Variants in DAGLA observed in about 807,000 individuals in gnomAD.
The protein encoded by DAGLA is diacylglycerol lipase alpha, also known as diacylglycerol lipase-alpha.
Under a neutral mutation model 102.6 loss-of-function variants are expected in DAGLA, and 22 were observed. That is an observed-to-expected ratio of 0.21 (90% CI 0.15 to 0.31). DAGLA has a LOEUF of 0.31. DAGLA is among the 10% of genes least tolerant of loss of function. DAGLA has a pLI of 1.00. For synonymous variants in DAGLA, 578 were observed against 628.9 expected (o/e 0.92, Z 1.21); for missense variants, 927 against 1,446.6 (o/e 0.64, Z 5.83).
chr11:61,741,309 C>G lies in DAGLA; in HGVS notation c.2131C>G (p.Leu711Val), dbSNP rs1407271473. The G allele has an allele frequency of 6.2e-7, 1 of 1,611,368 alleles. No individual in the cohort carries two copies. The highest frequency in any genetic ancestry group is 1.7e-5 in the Admixed American group (1 of 60,020). ...TGPPMPTGLA[L>V]ELPTADHRNS... ...GCCGCCCATGCCCACTGGCCTTGCC[C>G]TGGAGCTGCCGACTGCAGACCACCG... The change falls in exon 19 of 20, where the codon CTG becomes GTG. Residue 711 changes from leucine to valine, a missense_variant. Leu to Val is a conservative substitution (Grantham distance 32). Around this residue, in one of 4 missense-constraint regions of DAGLA, gnomAD observed 434 missense variants for 503.3 expected, o/e 0.86. Transcript: ENST00000257215.
chr11:61,703,349 G>A (rs2065123555), intron 1 of DAGLA, among the ~76,000 whole-genome samples: 1 of 152,046 alleles, frequency 6.6e-6, no homozygotes, highest in Non-Finnish European at 1.5e-5. Flanking sequence ...GGGCGCTTGG[G>A]GTACCTAAGA....
chr11:61,693,638 T>C (rs934412841), intron 1 of DAGLA, among the ~76,000 whole-genome samples: 1 of 152,186 alleles, frequency 6.6e-6, no homozygotes, highest in South Asian at 2.1e-4. Context: ...TGAGCCACCA[T>C]GCCCGGCCAA....
chr11:61,708,512 C>T (rs1333133927), intron 1 of DAGLA, among the ~76,000 whole-genome samples: 1 of 152,100 alleles, frequency 6.6e-6, no homozygotes, highest in African/African-American at 2.4e-5. Context: ...TCTCGAGTAG[C>T]TGGGACTACA....
intron 17 of DAGLA, among the ~76,000 whole-genome samples, chr11:61,739,947 A>G (rs990400047): frequency 1.3e-5 from 2 of 152,082 alleles, no homozygotes; most frequent in African/African-American, 2.4e-5. Flanking sequence ...CTGGTGGTCC[A>G]TTTAAAAGTA....
At chr11:61,718,036 T>C (rs925977825) in intron 1 of DAGLA, among the ~76,000 whole-genome samples, 2 of 152,138 alleles carry the variant, frequency 1.3e-5, no homozygotes, top group African/African-American at 4.8e-5. Flanking sequence ...GTGTTAGCTA[T>C]CCTGGGTTCC....
At chr11:61,721,246 T>C (rs1424595630) in intron 3 of DAGLA, among the ~76,000 whole-genome samples, 1 of 151,758 alleles carries the variant, frequency 6.6e-6, no homozygotes, top group Non-Finnish European at 1.5e-5. Context: ...ATACAAAAAT[T>C]AGCCAGGTGT....
intron 9 of DAGLA, 126 bp downstream of exon 9, chr11:61,731,567 C>A: frequency 7.9e-7 from 1 of 1,271,064 alleles, no homozygotes; most frequent in Non-Finnish European, 1.1e-6. Context: ...TTCTCTGGGC[C>A]TCAACCTTTC....
intron 1 of DAGLA, among the ~76,000 whole-genome samples, chr11:61,713,022 A>T (rs1388544496): frequency 6.6e-6 from 1 of 152,138 alleles, no homozygotes; most frequent in African/African-American, 2.4e-5. Context: ...TGGCCTGATG[A>T]GGCTGGAGGT....
At chr11:61,700,060 G>A (rs1021247169) in intron 1 of DAGLA, among the ~76,000 whole-genome samples, 13 of 152,338 alleles carry the variant, frequency 8.5e-5, no homozygotes, top group Middle Eastern at 3.4e-3. Context: ...CCTCGCCCGC[G>A]CAGAGCATGT....
At chr11:61,718,749 G>A (rs1232602198) in intron 1 of DAGLA, among the ~76,000 whole-genome samples, 2 of 152,154 alleles carry the variant, frequency 1.3e-5, no homozygotes, top group African/African-American at 2.4e-5. Context: ...GCACGACCCC[G>A]GCAGGCTAGC....
intron 7 of DAGLA, among the ~76,000 whole-genome samples, chr11:61,728,687 C>T (rs932998684): frequency 6.6e-6 from 1 of 152,226 alleles, no homozygotes; most frequent in Non-Finnish European, 1.5e-5. Context: ...TACCTTTCGC[C>T]TGCTGTGGGC....
At position 61,734,107 on chromosome 11, in the gene DAGLA, A is replaced by AG. The variant is rs765885043; in HGVS notation, c.975-738dup. The stretch of plus-strand genomic sequence containing the variant: ...CACTCTGTTGCTGAGCTGAGAGCGT[A>AG]GGGGCAAGTGCAAGGAGGCCAGTCG... On this transcript the variant is annotated intron_variant, in intron 9 of 19. Transcript: ENST00000257215. This position sits in a 1 kb window ranked among gnomAD's most constrained non-coding sequence, Gnocchi z 4.2. Among the ~76,000 whole-genome samples, 19 of 152,110 alleles carry AG rather than the reference A, an allele frequency of 1.2e-4. No individual in the cohort carries two copies. Among genetic ancestry groups the AG allele is most frequent in the Non-Finnish European group, 1.9e-4 (13 of 68,012 alleles).
rs1388224617 is a variant in DAGLA, at chr11:61,684,291, G to C, written c.-45+3787G>C. Among the ~76,000 whole-genome samples the C allele has an allele frequency of 6.6e-6, 1 of 152,256 alleles. No homozygotes were observed. Among genetic ancestry groups the C allele is most frequent in the Non-Finnish European group, 1.5e-5 (1 of 68,048 alleles). On this transcript the variant is annotated intron_variant, in intron 1 of 19. Coordinates refer to ENST00000257215, the MANE Select transcript of DAGLA (RefSeq NM_006133.3). This position sits in a 1 kb window ranked among gnomAD's most constrained non-coding sequence, Gnocchi z 4.5. ...AAGTAGCGCTGGGGGAAATATCAAT[G>C]AGCATGTGGTCAGAGGAAGATAAAT...
At chr11:61,720,911 G>T in intron 3 of DAGLA, 21 bp downstream of exon 3, 1 of 1,603,750 alleles carries the variant, frequency 6.2e-7, no homozygotes, top group Non-Finnish European at 8.5e-7. Context: ...CCCACCCTGG[G>T]GTGCTGCCCC....
intron 1 of DAGLA, among the ~76,000 whole-genome samples, chr11:61,710,318 G>T (rs2065184280): frequency 6.6e-6 from 1 of 151,832 alleles, no homozygotes; most frequent in Non-Finnish European, 1.5e-5. Context: ...GGTGGGGCCA[G>T]TGGAAAGCTG....
Position 61,746,717 on chromosome 11 carries a change from C to T in DAGLA, c.*2228C>T, listed in dbSNP as rs1229515728. ...GCCCCGTTCGGCTCAGACCGACCCCCACTCCATCCCCAGACCTGCAGCACA... is the reference window on the plus strand; with the variant it reads ...GCCCCGTTCGGCTCAGACCGACCCCTACTCCATCCCCAGACCTGCAGCACA... On this transcript the variant is annotated 3_prime_UTR_variant, in exon 20 of 20. Transcript: ENST00000257215. 3 of 152,632 alleles carry T rather than the reference C, an allele frequency of 2.0e-5. No homozygotes were observed. The highest frequency in any genetic ancestry group is 4.4e-5 in the Non-Finnish European group (3 of 68,094). 9.5% of individuals were successfully genotyped at this position (152,632 alleles called of 1,614,324 possible).
At position 61,744,011 on chromosome 11, in the gene DAGLA, G is replaced by A. The variant is rs751888087; in HGVS notation, c.2651G>A (p.Gly884Asp). ...AATGACGAGGAGGAAGAGGTTGGCG[G>A]TGGGGGTGGCGGGCCGGCCTCCCGC... ...AANDEEEEVG[G>D]GGGGPASRGE... The change falls in exon 20 of 20, where the codon GGT (glycine) becomes GAT (aspartate). Residue 884 changes from glycine to aspartate, a missense_variant. Gly to Asp is a moderately conservative substitution (Grantham distance 94, BLOSUM62 -1). Around this residue, in one of 4 missense-constraint regions of DAGLA, gnomAD observed 434 missense variants for 503.3 expected, o/e 0.86. Coordinates refer to ENST00000257215, the MANE Select transcript of DAGLA (RefSeq NM_006133.3). The A allele has an allele frequency of 1.2e-6, 2 of 1,612,066 alleles. No homozygotes were observed. The highest frequency in any genetic ancestry group is 2.2e-5 in the South Asian group (2 of 91,038).
intron 1 of DAGLA, among the ~76,000 whole-genome samples, chr11:61,705,577 C>T (rs572911692): frequency 6.6e-6 from 1 of 152,328 alleles, no homozygotes; most frequent in African/African-American, 2.4e-5. Flanking sequence ...TAGGCAGCCT[C>T]CCCGCCTGAG....
intron 1 of DAGLA, among the ~76,000 whole-genome samples, chr11:61,690,867 C>A (rs954472324): frequency 1.3e-5 from 2 of 152,232 alleles, no homozygotes; most frequent in African/African-American, 4.8e-5. Flanking sequence ...CCTCGCCGCT[C>A]CCCACATGTA....
Sources: allele counts gnomAD v4.1 joint callset (sites outside exome capture counted in the v4.1 genomes callset), GRCh38; gene constraint gnomAD v4.1.1; regional missense constraint gnomAD v4.1.1; non-coding constraint Gnocchi (gnomAD v3.1); transcripts MANE v1.5; gene names NCBI Gene and HGNC (gene_info 2026-07-23, HGNC 2026-07-21).